The following C4orf51 variants were observed in gnomAD, a reference collection of about 807,000 sequenced individuals.
The protein encoded by C4orf51 is chromosome 4 open reading frame 51, also known as uncharacterized protein C4orf51.
In C4orf51, 25 loss-of-function variants were observed where a neutral mutation model predicts 25.2. The ratio of observed to expected loss-of-function variants is 0.99; its 90% CI spans 0.72 to 1.39. The LOEUF (loss-of-function observed/expected upper bound fraction) is 1.39. Ranked by LOEUF, C4orf51 falls within the 40% of genes most tolerant of loss-of-function variation. The pLI is 0.00. For missense variants in C4orf51, 252 were observed against 239.6 expected, an observed-to-expected ratio of 1.05 and a Z score of -0.34; for synonymous variants, 100 against 84.5, an observed-to-expected ratio of 1.18 and a Z score of -1.01.
At chr4:145,748,494 G>A (rs1358348534) in intron 1 of C4orf51, among the ~76,000 whole-genome samples, 1 of 151,814 alleles carries the variant, frequency 6.6e-6, no homozygotes, top group Non-Finnish European at 1.5e-5. Context: ...TTTACTTGAA[G>A]TTTTTCTTCT....
intron 2 of C4orf51, among the ~76,000 whole-genome samples, chr4:145,697,917 T>G (rs1478212022): frequency 6.6e-6 from 1 of 152,224 alleles, no homozygotes; most frequent in Non-Finnish European, 1.5e-5. Flanking sequence ...TTAATTTTTT[T>G]CAGGAACCTC....
intron 1 of C4orf51, among the ~76,000 whole-genome samples, 163 bp downstream of exon 1, chr4:145,680,599 C>T (rs1027766312): frequency 6.6e-6 from 1 of 152,110 alleles, no homozygotes; most frequent in Non-Finnish European, 1.5e-5. Context: ...TGTCAGTGAC[C>T]AGCTGAAATT....
Position 145,729,900 on chromosome 4 carries a change from C to G in C4orf51, c.436C>G (p.Pro146Ala), listed in dbSNP as rs762966911. Residue 146 changes from proline (P) to alanine (A), a missense_variant, in exon 5 of 6, where the codon CCT (proline) becomes GCT (alanine). By Grantham distance (27) the Pro-to-Ala change is conservative. Transcript: ENST00000438731. The stretch of plus-strand genomic sequence containing the variant: ...CTATCTCTTCACCCTAGGTGTGAGA[C>G]CTAAAAAGCCAGCACAGGAGGCCCT... Reference protein sequence around the residue: ...PPNYGKYCVRPKKPAQEALIN... With the variant: ...PPNYGKYCVRAKKPAQEALIN... 1 of 1,613,578 alleles carries G rather than the reference C, an allele frequency of 6.2e-7. No individual in the cohort carries two copies. The highest frequency in any genetic ancestry group is 8.5e-7 in the Non-Finnish European group (1 of 1,179,646).
chr4:145,687,385 T>G (rs1729231057), intron 1 of C4orf51, among the ~76,000 whole-genome samples: 1 of 152,244 alleles, frequency 6.6e-6, no homozygotes, highest in Non-Finnish European at 1.5e-5. Flanking sequence ...CCTGACCACC[T>G]TGGGCACATG....
chr4:145,727,057 G>A, intron 3 of C4orf51, 88 bp downstream of exon 3: 4 of 1,066,194 alleles, frequency 3.8e-6, no homozygotes, highest in East Asian at 2.4e-5. Flanking sequence ...AAACAAAAGG[G>A]GTTAAATTTT....
At chr4:145,723,736 G>A (rs1241859171) in intron 2 of C4orf51, among the ~76,000 whole-genome samples, 4 of 152,208 alleles carry the variant, frequency 2.6e-5, no homozygotes, top group African/African-American at 7.2e-5. Context: ...CTAAGACTGG[G>A]TAGTGGGAGC....
At chr4:145,755,703 G>C (rs546525512), downstream of C4orf51, among the ~76,000 whole-genome samples, 3 of 152,258 alleles carry the variant, frequency 2.0e-5, no homozygotes, top group South Asian at 6.2e-4. Flanking sequence ...CTTACCCTGG[G>C]GCCTGTTTTA....
At chr4:145,736,441 C>A (rs1732806489), downstream of C4orf51, among the ~76,000 whole-genome samples, 2 of 152,102 alleles carry the variant, frequency 1.3e-5, no homozygotes, top group South Asian at 4.2e-4. Flanking sequence ...ACTCTGTGAC[C>A]TGAGCTGGGT....
the C4orf51 span, among the ~76,000 whole-genome samples, chr4:145,790,124 A>G: frequency 3.5e-4 from 53 of 152,264 alleles, no homozygotes; most frequent in Non-Finnish European, 6.9e-4. Context: ...TCAAGTGCAG[A>G]GTTACCTAAA....
intron 2 of C4orf51, among the ~76,000 whole-genome samples, chr4:145,701,933 C>A (rs1730474548): frequency 6.6e-6 from 1 of 152,048 alleles, no homozygotes; most frequent in African/African-American, 2.4e-5. Context: ...TTCTCCCCAA[C>A]CCAAAGCCTC....
chr4:145,732,631 T>A lies in C4orf51; in HGVS notation c.*71T>A. 2.0e-6 allele frequency: 2 copies of A among 976,592 alleles called. No individual in the cohort carries two copies. The highest frequency in any genetic ancestry group is 3.1e-6 in the Non-Finnish European group (2 of 643,462). The allele number at this position is 976,592 out of a possible 1,614,324, so 60.5% of individuals were successfully genotyped here. A position where few individuals can be genotyped will look rare whatever the true frequency, so the allele number is the denominator to read the frequency against. On this transcript the variant is annotated 3_prime_UTR_variant, in exon 6 of 6. Transcript: ENST00000438731. ...TAAACAACTTTGAGGTATGGGGCCC[T>A]CCCAACACCCTCCCCCCACCCGCCC...
In C4orf51 at chr4:145,762,632, T is replaced by A. The variant is rs1003688576; in HGVS notation, n.167-8356T>A. ...CAGGCTGGAGCTGGACACCCTAGCC[T>A]GGGCCTCTCTGTGGCTCGGTTTCTC... is the stretch of plus-strand genomic sequence containing the variant. On this transcript the variant is annotated intron_variant and non_coding_transcript_variant, in intron 1 of 1. Transcript: ENST00000510096. This position sits in a 1 kb window ranked among gnomAD's most constrained non-coding sequence, Gnocchi z 4.9. Among the ~76,000 whole-genome samples, 3 of 152,090 alleles carry A rather than the reference T, an allele frequency of 2.0e-5. No homozygotes were observed. The highest frequency in any genetic ancestry group is 7.2e-5 in the African/African-American group (3 of 41,408).
At chr4:145,720,933 A>G (rs773623035) in intron 2 of C4orf51, among the ~76,000 whole-genome samples, 50 of 152,088 alleles carry the variant, frequency 3.3e-4, no homozygotes, top group Non-Finnish European at 5.3e-4. Context: ...AACAAGCCTC[A>G]CTCACCACGG....
At chr4:145,757,837 T>TGAA (rs980916619), downstream of C4orf51, 8 of 151,114 alleles carry the variant, frequency 5.3e-5, no homozygotes, top group Admixed American at 2.6e-4. Context: ...GAACATAATA[T>TGAA]GAAGAGTTAA....
intron 1 of C4orf51, among the ~76,000 whole-genome samples, chr4:145,769,621 C>A (rs866251040): frequency 6.6e-6 from 1 of 152,200 alleles, no homozygotes. Flanking sequence ...AACAGCCTCT[C>A]CTGTTTCTGT....
At chr4:145,697,595 A>C (rs1730155282) in intron 2 of C4orf51, among the ~76,000 whole-genome samples, 1 of 152,202 alleles carries the variant, frequency 6.6e-6, no homozygotes, top group Non-Finnish European at 1.5e-5. Flanking sequence ...TACACATATG[A>C]GTGAAATTAT....
intron 2 of C4orf51, among the ~76,000 whole-genome samples, chr4:145,703,680 G>A (rs1001217602): frequency 2.0e-5 from 3 of 152,158 alleles, no homozygotes; most frequent in Non-Finnish European, 2.9e-5. Context: ...TCACTACCAA[G>A]ACCAATGTCA....
chr4:145,693,830 G>T (rs545073337), intron 1 of C4orf51, among the ~76,000 whole-genome samples: 2 of 18,852 alleles, frequency 1.1e-4, no homozygotes, highest in African/African-American at 2.5e-4. Context: ...GCGGCTGGCC[G>T]GGCGGGGGGG....
At chr4:145,750,837 CT>C (rs1031669110) in intron 1 of C4orf51, among the ~76,000 whole-genome samples, 1 of 151,822 alleles carries the variant, frequency 6.6e-6, no homozygotes, top group African/African-American at 2.4e-5. Flanking sequence ...CTTTTTAATT[CT>C]TTTTTATTTT....
Sources: gnomAD v4.1 joint callset for allele counts (sites outside exome capture counted in the v4.1 genomes callset) on GRCh38, gnomAD v4.1.1 for gene constraint, Gnocchi (gnomAD v3.1) non-coding constraint, MANE v1.5 for transcripts, NCBI Gene and HGNC (gene_info 2026-07-23, HGNC 2026-07-21) for gene names.